Variants in ATAD2 observed in about 807,000 individuals in gnomAD.
ATAD2 encodes the protein ATPase family AAA domain-containing protein 2.
Under a neutral mutation model 168.9 loss-of-function variants are expected in ATAD2, and 62 were observed. The observed-to-expected ratio is 0.37, with a 90% CI of 0.30 to 0.45. ATAD2 has a LOEUF of 0.45. Ranked by LOEUF, ATAD2 falls within the 20% of genes least tolerant of loss-of-function variation. ATAD2 has a pLI of 1.00. For synonymous variants in ATAD2, 613 were observed against 571.6 expected, an observed-to-expected ratio of 1.07 and a Z score of -1.03; for missense variants, 1,419 against 1,667.8, an observed-to-expected ratio of 0.85 and a Z score of 2.60.
At chr8:123,350,922 G>A (rs566195355) in intron 13 of ATAD2, among the ~76,000 whole-genome samples, 3 of 151,532 alleles carry the variant, frequency 2.0e-5, no homozygotes, top group Admixed American at 1.3e-4. Context: ...TAGTAGAGAC[G>A]AGATTTCACC....
intron 1 of ATAD2, among the ~76,000 whole-genome samples, chr8:123,390,233 C>T (rs1829790033): frequency 6.6e-6 from 1 of 151,906 alleles, no homozygotes; most frequent in Non-Finnish European, 1.5e-5. Context: ...CCTGCCTCGG[C>T]CTCCCAAACA....
At chr8:123,369,287 C>G in intron 7 of ATAD2, 112 bp from the exon 8 acceptor site, 1 of 282,294 alleles carries the variant, frequency 3.5e-6, no homozygotes, top group Non-Finnish European at 5.9e-6. Context: ...GTGCTTATCG[C>G]CTTCCATGAA....
intron 13 of ATAD2, among the ~76,000 whole-genome samples, chr8:123,351,748 G>A: frequency 7.4e-6 from 1 of 134,690 alleles, no homozygotes; most frequent in Non-Finnish European, 1.6e-5. Flanking sequence ...AAAAACTGAT[G>A]TTTTTTTTTT....
At chr8:123,362,128 T>C (rs1563850832) in intron 8 of ATAD2, among the ~76,000 whole-genome samples, 1 of 151,952 alleles carries the variant, frequency 6.6e-6, no homozygotes, top group Non-Finnish European at 1.5e-5. Flanking sequence ...TGGTCTCTAC[T>C]AAAAATCAAA....
chr8:123,358,566 T>C (rs1828716706), intron 11 of ATAD2, among the ~76,000 whole-genome samples: 2 of 152,100 alleles, frequency 1.3e-5, no homozygotes, highest in South Asian at 2.1e-4. Context: ...CAGGCTAGTC[T>C]TGAACTCCGG....
chr8:123,371,426 T>C, intron 4 of ATAD2, 88 bp from the exon 5 acceptor site: 2 of 1,066,950 alleles, frequency 1.9e-6, no homozygotes, highest in Non-Finnish European at 2.7e-6. Flanking sequence ...TGCAAACTTT[T>C]GGCACTAAGG....
chr8:123,348,217 G>A lies in ATAD2; in HGVS notation c.1863C>T (p.Asp621=). ...TTTCTGCTAGCTCTTCTAAAAATGT[G>A]TCCAGTGGTTTGGGATTCCAATCCC... ...HTRDWNPKPL[D]TFLEELAENC... The change falls in exon 15 of 28, where the codon GAC becomes GAT. Residue 621 remains aspartate, a synonymous_variant. Coordinates refer to ENST00000287394, the MANE Select transcript of ATAD2 (RefSeq NM_014109.4). 3 of 1,602,284 alleles carry A rather than the reference G, an allele frequency of 1.9e-6. No homozygotes were observed. In the South Asian group the frequency reaches 3.4e-5, roughly 18 times the overall value.
chr8:123,328,934 T>C lies in ATAD2; in HGVS notation c.3479-355A>G, dbSNP rs530275629. Among the ~76,000 whole-genome samples, 738 of 151,904 alleles carry C rather than the reference T, an allele frequency of 4.9e-3. 2 individuals are homozygous for C. The highest frequency in any genetic ancestry group is 7.8e-3 in the Non-Finnish European group (531 of 67,960). On this transcript the variant is annotated intron_variant, in intron 24 of 27. Coordinates refer to ENST00000287394, the MANE Select transcript of ATAD2 (RefSeq NM_014109.4). ...TCTTGCCTCAGCCTCTCCGAGCAGC[T>C]GGGACTACAGGCACCCGCCACCACG...
chr8:123,327,002 G>A (rs953915185), intron 25 of ATAD2, among the ~76,000 whole-genome samples: 5 of 151,962 alleles, frequency 3.3e-5, no homozygotes, highest in South Asian at 4.2e-4. Context: ...TCCACCTCCC[G>A]GGTTCAGGTG....
In ATAD2 at chr8:123,396,204, T is replaced by C. The variant is rs763619403; in HGVS notation, c.154A>G (p.Thr52Ala). The C allele has an allele frequency of 2.5e-6, 4 of 1,582,580 alleles. No homozygotes were observed. The highest frequency in any genetic ancestry group is 1.1e-5 in the South Asian group (1 of 87,918). The change falls in exon 1 of 28, where the codon ACC becomes GCC. Residue 52 changes from threonine (T) to alanine (A), a missense_variant. Thr to Ala is a moderately conservative substitution (Grantham distance 58). Around this residue, in one of 5 missense-constraint regions of ATAD2, gnomAD observed 419 missense variants for 423.5 expected, o/e 0.99. Transcript: ENST00000287394. ...AGAAQKKPAA[T>A]TAKAGDGSSV... ...GTACTCACGCCCGCTTTGGCTGTGGTCGCCGCGGGTTTCTTCTGCGCCGCG... is the reference window on the plus strand; with the variant it reads ...GTACTCACGCCCGCTTTGGCTGTGGCCGCCGCGGGTTTCTTCTGCGCCGCG...
chr8:123,389,868 T>C (rs1177047937), intron 1 of ATAD2, among the ~76,000 whole-genome samples: 1 of 148,674 alleles, frequency 6.7e-6, no homozygotes, highest in East Asian at 2.0e-4. Context: ...AGGATAATAA[T>C]AGTTTATAAA....
chr8:123,383,908 C>A (rs1829569760), intron 1 of ATAD2, among the ~76,000 whole-genome samples: 3 of 151,436 alleles, frequency 2.0e-5, no homozygotes. Flanking sequence ...ATGGTGAAAT[C>A]ACGTCTTTAC....
At chr8:123,362,171 T>C (rs974751476) in intron 8 of ATAD2, among the ~76,000 whole-genome samples, 1 of 152,018 alleles carries the variant, frequency 6.6e-6, no homozygotes, top group Non-Finnish European at 1.5e-5. Flanking sequence ...AGCACATCTG[T>C]TGTCCCAGAT....
chr8:123,356,262 TCTA>T, intron 13 of ATAD2, 124 bp downstream of exon 13: 1 of 666,736 alleles, frequency 1.5e-6, no homozygotes. Context: ...ATACTGGGGT[TCTA>T]CTACCAAAAA....
chr8:123,411,471 G>A (rs28386804), intron 1 of ATAD2, among the ~76,000 whole-genome samples: 28,482 of 152,102 alleles, frequency 0.19, 3,193 homozygotes, highest in Non-Finnish European at 0.26. Flanking sequence ...GATTTCCTAG[G>A]CCGACTAAGA....
At chr8:123,341,337 C>T (rs115135781) in intron 19 of ATAD2, among the ~76,000 whole-genome samples, 204 of 152,298 alleles carry the variant, frequency 1.3e-3, no homozygotes, top group African/African-American at 4.7e-3. Flanking sequence ...TTCGACCTCT[C>T]CACATCCATA....
intron 14 of ATAD2, among the ~76,000 whole-genome samples, chr8:123,348,982 T>C (rs1480293546): frequency 6.6e-6 from 1 of 152,140 alleles, no homozygotes; most frequent in Non-Finnish European, 1.5e-5. Context: ...ATGATATTCA[T>C]GAAAAAGACA....
rs779265169 is a variant in ATAD2 at position 123,401,589 on chromosome 8, G to A, written c.-2281-414C>T. 11 of 1,346,722 alleles carry A rather than the reference G, an allele frequency of 8.2e-6. No individual in the cohort carries two copies. In the South Asian group the frequency reaches 1.3e-4, roughly 16 times the overall value. The allele number at this position is 1,346,722 out of a possible 1,614,324, so 83.4% of individuals were successfully genotyped here. A position where few individuals can be genotyped will look rare whatever the true frequency, so the allele number is the denominator to read the frequency against. ...CATCACCCAGGAAGTGATGGCATGT[G>A]GTTGCCCCCAGGGCACTGTGTGTAC... is the stretch of plus-strand genomic sequence containing the variant. On this transcript the variant is annotated intron_variant, in intron 1 of 28. Transcript: ENST00000521903.
intron 3 of ATAD2, 48 bp from the exon 4 acceptor site, chr8:123,371,883 GTATT>G (rs1489541080): frequency 7.1e-7 from 1 of 1,404,904 alleles, no homozygotes; most frequent in Non-Finnish European, 9.4e-7. Flanking sequence ...TGAAATAATA[GTATT>G]TATAAAACAA....
Sources: gnomAD v4.1 joint callset for allele counts (sites outside exome capture counted in the v4.1 genomes callset) on GRCh38, gnomAD v4.1.1 for gene constraint, gnomAD v4.1.1 regional missense constraint, MANE v1.5 for transcripts, NCBI Gene and HGNC (gene_info 2026-07-23, HGNC 2026-07-21) for gene names.